MYO5B: variants seen among roughly 807,000 people sequenced by gnomAD.
MYO5B encodes the protein myosin VB.
A neutral mutation model predicts 229.3 loss-of-function variants in MYO5B; 143 were observed. The ratio of observed to expected loss-of-function variants is 0.62; its 90% CI spans 0.54 to 0.72. MYO5B has a LOEUF of 0.72. Among genes scored for constraint, MYO5B ranks in the 30% least tolerant of loss-of-function variants. The pLI is 0.00. For missense variants in MYO5B, 2,321 were observed against 2,331.0 expected (o/e 1.00, Z 0.09); for synonymous variants, 918 against 885.2 (o/e 1.04, Z -0.66).
chr18:49,836,118 C>A (rs1302680381), intron 38 of MYO5B, among the ~76,000 whole-genome samples: 1 of 152,114 alleles, frequency 6.6e-6, no homozygotes, highest in African/African-American at 2.4e-5. Context: ...TTTTTCTGTA[C>A]TGAGTTTGGA....
chr18:50,085,430 G>A (rs2031309773), intron 1 of MYO5B, among the ~76,000 whole-genome samples: 1 of 151,988 alleles, frequency 6.6e-6, no homozygotes, highest in African/African-American at 2.4e-5. Flanking sequence ...TGCTGGAGAG[G>A]ATGTGGAGAA....
intron 24 of MYO5B, among the ~76,000 whole-genome samples, chr18:49,878,110 A>G (rs2024547362): frequency 6.6e-6 from 1 of 152,112 alleles, no homozygotes; most frequent in Admixed American, 6.5e-5. Flanking sequence ...GCAAATTCCT[A>G]ACACTTGGGT....
At chr18:49,846,964 G>A (rs544279997) in intron 33 of MYO5B, among the ~76,000 whole-genome samples, 182 bp downstream of exon 33, 1 of 151,562 alleles carries the variant, frequency 6.6e-6, no homozygotes, top group Non-Finnish European at 1.5e-5. Flanking sequence ...AGGAGCTGGG[G>A]GGAGGATGAG....
intron 29 of MYO5B, among the ~76,000 whole-genome samples, chr18:49,859,997 G>A (rs1370421636): frequency 6.6e-5 from 10 of 152,074 alleles, no homozygotes; most frequent in Non-Finnish European, 1.5e-4. Flanking sequence ...GGGGCGGCGG[G>A]TGTGAATAAT....
intron 32 of MYO5B, among the ~76,000 whole-genome samples, chr18:49,847,925 T>A (rs538054981): frequency 2.4e-4 from 37 of 152,306 alleles, no homozygotes; most frequent in African/African-American, 8.4e-4. Flanking sequence ...GTGCAGTCTT[T>A]GCAACTACAT....
intron 17 of MYO5B, among the ~76,000 whole-genome samples, chr18:49,919,892 C>T (rs1485353230): frequency 1.3e-5 from 2 of 152,156 alleles, no homozygotes; most frequent in Non-Finnish European, 2.9e-5. Flanking sequence ...TCTTACTTCC[C>T]CAAAAGTAGA....
chr18:50,144,989 T>G (rs2032477018), intron 1 of MYO5B, among the ~76,000 whole-genome samples: 1 of 152,134 alleles, frequency 6.6e-6, no homozygotes, highest in African/African-American at 2.4e-5. Flanking sequence ...AATACAGGCC[T>G]TGAATCAATC....
intron 15 of MYO5B, among the ~76,000 whole-genome samples, chr18:49,936,635 G>A (rs994463074): frequency 3.3e-5 from 5 of 152,118 alleles, no homozygotes; most frequent in Non-Finnish European, 5.9e-5. Flanking sequence ...AAGATGAAAG[G>A]TGGGCAAATA....
intron 1 of MYO5B, among the ~76,000 whole-genome samples, chr18:50,184,109 CA>C (rs2033114144): frequency 6.6e-6 from 1 of 152,168 alleles, no homozygotes; most frequent in Non-Finnish European, 1.5e-5. Context: ...TGGACTAAGA[CA>C]GTGTACTTTG....
At chr18:50,084,497 C>G (rs1244528573) in intron 1 of MYO5B, among the ~76,000 whole-genome samples, 1 of 152,200 alleles carries the variant, frequency 6.6e-6, no homozygotes, top group Non-Finnish European at 1.5e-5. Flanking sequence ...TTATGTTTCT[C>G]CTGCCTTCTG....
chr18:49,884,891 T>A (rs72928003), intron 22 of MYO5B, among the ~76,000 whole-genome samples: 1 of 152,182 alleles, frequency 6.6e-6, no homozygotes, highest in Non-Finnish European at 1.5e-5. Context: ...GAAAAGACAC[T>A]CAGTATCTTA....
chr18:50,034,528 G>A (rs1043694877), intron 4 of MYO5B, among the ~76,000 whole-genome samples: 2 of 152,304 alleles, frequency 1.3e-5, no homozygotes, highest in Middle Eastern at 3.4e-3. Flanking sequence ...TGGATTACCT[G>A]AGGTCAGAAG....
rs371867070 is a variant in MYO5B at position 49,879,094 on chromosome 18, G to T, written c.3131-4C>A. ...ACAGAGTTCTGGGCAAATTCATCTG[G>T]AAAGCAACACGCTAAGCTGCAGTTT... On this transcript the variant is annotated splice_region_variant and splice_polypyrimidine_tract_variant and intron_variant, in intron 23 of 39. Coordinates refer to ENST00000285039, the MANE Select transcript of MYO5B (RefSeq NM_001080467.3). The T allele has an allele frequency of 1.2e-6, 2 of 1,613,984 alleles. No homozygotes were observed. The highest frequency in any genetic ancestry group is 2.7e-5 in the African/African-American group (2 of 74,900).
intron 4 of MYO5B, among the ~76,000 whole-genome samples, chr18:50,026,331 T>A (rs2026330967): frequency 6.6e-6 from 1 of 152,248 alleles, no homozygotes; most frequent in South Asian, 2.1e-4. Flanking sequence ...GGCAGTAAAG[T>A]CCACATTTAA....
chr18:49,866,025 T>G (rs1300535210), intron 27 of MYO5B, among the ~76,000 whole-genome samples: 1 of 152,216 alleles, frequency 6.6e-6, no homozygotes. Flanking sequence ...AGAATATGCA[T>G]GCTTTATTGT....
chr18:50,037,123 C>T (rs1007683652), intron 3 of MYO5B, 129 bp from the exon 4 acceptor site: 34 of 972,172 alleles, frequency 3.5e-5, no homozygotes, highest in Non-Finnish European at 5.4e-5. Flanking sequence ...CCAGTCTTAA[C>T]CAATCAATCA....
chr18:50,015,369 A>G (rs2026205362), intron 4 of MYO5B, among the ~76,000 whole-genome samples: 1 of 152,186 alleles, frequency 6.6e-6, no homozygotes, highest in African/African-American at 2.4e-5. Flanking sequence ...CAATCTTCAA[A>G]TATTTCCAGG....
intron 22 of MYO5B, among the ~76,000 whole-genome samples, chr18:49,886,049 C>T (rs2024638653): frequency 6.6e-6 from 1 of 152,162 alleles, no homozygotes; most frequent in South Asian, 2.1e-4. Context: ...TGGTGATCCT[C>T]CCACCTCAGC....
chr18:49,909,035 T>C (rs1420329351), intron 18 of MYO5B, among the ~76,000 whole-genome samples: 1 of 152,200 alleles, frequency 6.6e-6, no homozygotes, highest in Non-Finnish European at 1.5e-5. Context: ...AAGTGCCTGG[T>C]GCCTGCCCTG....
Sources: gnomAD v4.1 joint callset for allele counts (sites outside exome capture counted in the v4.1 genomes callset) on GRCh38, gnomAD v4.1.1 for gene constraint, MANE v1.5 for transcripts, NCBI Gene and HGNC (gene_info 2026-07-23, HGNC 2026-07-21) for gene names.